FAM53B: variants seen among roughly 807,000 people sequenced by gnomAD.
The protein encoded by FAM53B is protein FAM53B.
FAM53B carries 12 observed loss-of-function variants against 32.7 expected under a neutral mutation model. That is an observed-to-expected ratio of 0.37 (90% CI 0.24 to 0.59). FAM53B has a LOEUF of 0.59. Ranked by LOEUF, FAM53B falls within the 20% of genes least tolerant of loss-of-function variation. The pLI is 0.72. For missense variants in FAM53B, 477 were observed against 577.7 expected (o/e 0.83, Z 1.79); for synonymous variants, 234 against 228.7 (o/e 1.02, Z -0.21).
At chr10:124,695,850 G>C (rs1418255898) in intron 3 of FAM53B, among the ~76,000 whole-genome samples, 2 of 152,156 alleles carry the variant, frequency 1.3e-5, no homozygotes, top group Non-Finnish European at 2.9e-5. Flanking sequence ...CCTGGGCATT[G>C]GGGCTACGAG....
chr10:124,675,394 C>T (rs1949730775), intron 4 of FAM53B, among the ~76,000 whole-genome samples: 1 of 152,162 alleles, frequency 6.6e-6, no homozygotes, highest in Admixed American at 6.5e-5. Context: ...AGTGGAGAGC[C>T]CAGGACACTG....
chr10:124,681,242 T>A (rs995289172), intron 4 of FAM53B, among the ~76,000 whole-genome samples: 6 of 152,092 alleles, frequency 3.9e-5, no homozygotes, highest in African/African-American at 1.4e-4. Flanking sequence ...TGTGTGTATA[T>A]CTCTTGCAGC....
Position 124,641,675 on chromosome 10 carries a change from A to G in FAM53B, c.907-18071T>C, listed in dbSNP as rs373650889. Among the ~76,000 whole-genome samples the G allele has an allele frequency of 1.5e-4, 23 of 152,148 alleles. 1 individual carries two copies. In the South Asian group the frequency reaches 4.8e-3, roughly 32 times the overall value. On this transcript the variant is annotated intron_variant, in intron 4 of 4. Coordinates refer to ENST00000337318, the MANE Select transcript of FAM53B (RefSeq NM_014661.4). Reference sequence around the variant, plus strand: ...TGGCCTTAGGGGAAAAGCACCACCCACCCCCAACACACTGGATCCACTGTG... The same window carrying G: ...TGGCCTTAGGGGAAAAGCACCACCCGCCCCCAACACACTGGATCCACTGTG...
At chr10:124,713,669 T>C (rs978229591) in intron 1 of FAM53B, 1 of 152,266 alleles carries the variant, frequency 6.6e-6, no homozygotes, top group Non-Finnish European at 1.5e-5. Flanking sequence ...TTTGAAGGGC[T>C]ATCCCTTAAA....
At chr10:124,688,130 C>T (rs2134072745) in intron 3 of FAM53B, among the ~76,000 whole-genome samples, 2 of 152,312 alleles carry the variant, frequency 1.3e-5, no homozygotes, top group East Asian at 3.9e-4. Context: ...GCCTTAGAAG[C>T]TAACTCACTC....
rs1399022769 is a variant in FAM53B, at chr10:124,620,273, CCCAGCCCCTGGGCCCCACGGGTGGACG to C, written c.*2942_*2968del. On this transcript the variant is annotated 3_prime_UTR_variant, in exon 5 of 5. Coordinates refer to ENST00000337318, the MANE Select transcript of FAM53B (RefSeq NM_014661.4). ...GCAACGAAAATGGCAAGGCTGTGGC[CCCAGCCCCTGGGCCCCACGGGTGGACG>C]GCAGCCCCTGGCAGTTTGGTGGCTT... 3.3e-5 allele frequency: 5 copies of C among 152,634 alleles called. 1 individual carries two copies. The highest frequency in any genetic ancestry group is 1.2e-4 in the African/African-American group (5 of 41,490). 9.5% of individuals were successfully genotyped at this position (152,634 alleles called of 1,614,324 possible).
At chr10:124,702,403 G>T (rs905263594) in intron 2 of FAM53B, among the ~76,000 whole-genome samples, 1 of 152,210 alleles carries the variant, frequency 6.6e-6, no homozygotes, top group Non-Finnish European at 1.5e-5. Flanking sequence ...GCAAATGCTA[G>T]CATCAGCTTA....
At chr10:124,686,566 C>T (rs1021637995) in intron 3 of FAM53B, among the ~76,000 whole-genome samples, 1 of 152,226 alleles carries the variant, frequency 6.6e-6, no homozygotes, top group African/African-American at 2.4e-5. Context: ...GAAGATACAC[C>T]TTTCTCCTAG....
chr10:124,639,224 C>T (rs1184965744), intron 4 of FAM53B, among the ~76,000 whole-genome samples: 1 of 152,104 alleles, frequency 6.6e-6, no homozygotes, highest in Non-Finnish European at 1.5e-5. Context: ...GTATTTTCTA[C>T]CAGGACCGGG....
chr10:124,696,029 C>G, intron 3 of FAM53B, 129 bp downstream of exon 3: 1 of 753,694 alleles, frequency 1.3e-6, no homozygotes. Flanking sequence ...TTAAAACACA[C>G]AGAAGAGTCC....
intron 4 of FAM53B, among the ~76,000 whole-genome samples, chr10:124,629,521 G>A (rs1949377668): frequency 6.6e-6 from 1 of 152,232 alleles, no homozygotes; most frequent in Admixed American, 6.5e-5. Flanking sequence ...AGCAGAGCTG[G>A]TCCCCAGCCT....
intron 1 of FAM53B, among the ~76,000 whole-genome samples, chr10:124,714,974 C>G (rs1350829666): frequency 6.6e-6 from 1 of 152,138 alleles, no homozygotes; most frequent in Non-Finnish European, 1.5e-5. Context: ...AGGCCCAGGT[C>G]TAAGGTCACC....
chr10:124,677,286 A>G (rs1401708524), intron 4 of FAM53B, among the ~76,000 whole-genome samples: 1 of 152,222 alleles, frequency 6.6e-6, no homozygotes, highest in Non-Finnish European at 1.5e-5. Context: ...AGTCCTGCTA[A>G]TAAACAACTC....
At chr10:124,642,987 G>A (rs1233642091) in intron 4 of FAM53B, among the ~76,000 whole-genome samples, 1 of 152,198 alleles carries the variant, frequency 6.6e-6, no homozygotes, top group Non-Finnish European at 1.5e-5. Context: ...CATTCCTGAC[G>A]GTATCGTGGG....
At chr10:124,728,710 C>T (rs1950123180) in intron 1 of FAM53B, among the ~76,000 whole-genome samples, 1 of 152,226 alleles carries the variant, frequency 6.6e-6, no homozygotes, top group South Asian at 2.1e-4. Context: ...ACGAAGACTT[C>T]TTGTACCATA....
intron 4 of FAM53B, among the ~76,000 whole-genome samples, chr10:124,670,746 C>T (rs1259302625): frequency 6.6e-6 from 1 of 152,214 alleles, no homozygotes; most frequent in Non-Finnish European, 1.5e-5. Flanking sequence ...CCTCCCTGTC[C>T]CTCCAATCTA....
At chr10:124,721,323 A>G (rs1259845360) in intron 1 of FAM53B, among the ~76,000 whole-genome samples, 1 of 152,242 alleles carries the variant, frequency 6.6e-6, no homozygotes, top group South Asian at 2.1e-4. Context: ...ACTCGCTTCA[A>G]TTATTAATAA....
intron 1 of FAM53B, among the ~76,000 whole-genome samples, chr10:124,723,714 G>T (rs1564888467): frequency 6.6e-6 from 1 of 152,176 alleles, no homozygotes; most frequent in Non-Finnish European, 1.5e-5. Context: ...GCCGGCCCTG[G>T]GCCAGGCAGA....
intron 3 of FAM53B, among the ~76,000 whole-genome samples, chr10:124,686,604 C>T (rs1485864941): frequency 6.6e-6 from 1 of 152,174 alleles, no homozygotes; most frequent in Admixed American, 6.5e-5. Context: ...ACGTATGTAC[C>T]TGAACTTTAA....
Sources: allele counts gnomAD v4.1 joint callset (sites outside exome capture counted in the v4.1 genomes callset), GRCh38; gene constraint gnomAD v4.1.1; transcripts MANE v1.5; gene names NCBI Gene and HGNC (gene_info 2026-07-23, HGNC 2026-07-21).